The following TNFRSF1A variants were observed in gnomAD, a reference collection of about 807,000 sequenced individuals.
TNFRSF1A encodes TNF receptor superfamily member 1A, also known as tumor necrosis factor receptor superfamily member 1A.
TNFRSF1A carries 9 observed loss-of-function variants against 41.6 expected under a neutral mutation model. That is an observed-to-expected ratio of 0.22 (90% CI 0.13 to 0.38). The LOEUF is 0.38. Among genes scored for constraint, TNFRSF1A ranks in the 10% least tolerant of loss-of-function variants. The pLI, the probability that TNFRSF1A is intolerant of heterozygous loss-of-function variation, is 1.00. For missense variants in TNFRSF1A, 463 were observed against 591.5 expected (o/e 0.78, Z 2.25); for synonymous variants, 254 against 248.6 (o/e 1.02, Z -0.21).
intron 1 of TNFRSF1A, among the ~76,000 whole-genome samples, chr12:6,340,822 C>A (rs1025128031): frequency 6.6e-6 from 1 of 152,104 alleles, no homozygotes; most frequent in East Asian, 1.9e-4. Flanking sequence ...CAGGATGATT[C>A]CCGGACCAAG....
At position 6,337,523 on chromosome 12, in the gene TNFRSF1A, A is replaced by G. The variant is rs1053753930; in HGVS notation, c.40-3279T>C. Among the ~76,000 whole-genome samples, 3 of 152,128 alleles carry G rather than the reference A, an allele frequency of 2.0e-5. No homozygotes were observed. The highest frequency in any genetic ancestry group is 7.2e-5 in the African/African-American group (3 of 41,420). ...CCTCATTCATGTGTCTGTTCATTTA[A>G]TGTCAAGGTGTTGGGGGAGGTCGTG... On this transcript the variant is annotated intron_variant, in intron 1 of 9. Coordinates refer to ENST00000162749, the MANE Select transcript of TNFRSF1A (RefSeq NM_001065.4). The surrounding 1 kb of genome is among the most constrained non-coding windows in gnomAD (Gnocchi z 4.6).
chr12:6,339,634 C>G (rs969206053), intron 1 of TNFRSF1A, among the ~76,000 whole-genome samples: 1 of 152,222 alleles, frequency 6.6e-6, no homozygotes, highest in Non-Finnish European at 1.5e-5. Flanking sequence ...CTCCTCCCAA[C>G]TGGTGCTCCA....
rs1399086823 is a variant in TNFRSF1A at position 6,333,283 on chromosome 12, G to A, written c.472+84C>T. 4 of 1,563,724 alleles carry A rather than the reference G, an allele frequency of 2.6e-6. No individual in the cohort carries two copies. The highest frequency in any genetic ancestry group is 2.7e-5 in the African/African-American group (2 of 73,764). On this transcript the variant is annotated intron_variant, in intron 4 of 9. Transcript: ENST00000162749. This position sits in a 1 kb window ranked among gnomAD's most constrained non-coding sequence, Gnocchi z 6.3. ...TCAGACCCACAGAATACAGGAGGGG[G>A]AAGGAAAGGAAGTGCCACCGCATGG...
chr12:6,341,440 T>C lies in TNFRSF1A; in HGVS notation c.39+336A>G, dbSNP rs935828119. On this transcript the variant is annotated intron_variant, in intron 1 of 9. Transcript: ENST00000162749. The surrounding 1 kb of genome is among the most constrained non-coding windows in gnomAD (Gnocchi z 4.6). The stretch of plus-strand genomic sequence containing the variant: ...AATCTTCCTACTCCCACTCCCTTCT[T>C]TTCCCCGCCAAATCTGCCCCACCCT... 6.6e-6 allele frequency among the ~76,000 whole-genome samples: 1 copy of C among 152,140 alleles called. No homozygotes were observed. The highest frequency in any genetic ancestry group is 2.4e-5 in the African/African-American group (1 of 41,426).
chr12:6,332,082 T>C (rs1948057701), intron 5 of TNFRSF1A: 3 of 258,116 alleles, frequency 1.2e-5, no homozygotes, highest in South Asian at 9.6e-5. Context: ...TTTGTTTGTT[T>C]CTTTGTTTTT....
intron 1 of TNFRSF1A, among the ~76,000 whole-genome samples, chr12:6,338,851 A>G (rs1367503739): frequency 6.6e-6 from 1 of 151,988 alleles, no homozygotes; most frequent in African/African-American, 2.4e-5. Flanking sequence ...GCTGGTCTCG[A>G]ACTCCTGGAC....
At chr12:6,329,647 C>T in intron 9 of TNFRSF1A, 25 bp from the exon 10 acceptor site, 1 of 1,583,306 alleles carries the variant, frequency 6.3e-7, no homozygotes, top group Non-Finnish European at 8.6e-7. Context: ...GCCGGTGAGC[C>T]TCGGGCGGCA....
rs1388346064 is a variant in TNFRSF1A at position 6,333,037 on chromosome 12, T to G, written c.551+32A>C. On this transcript the variant is annotated intron_variant, in intron 5 of 9. Coordinates refer to ENST00000162749, the MANE Select transcript of TNFRSF1A (RefSeq NM_001065.4). This position sits in a 1 kb window ranked among gnomAD's most constrained non-coding sequence, Gnocchi z 6.3. ...TCACCCGTCCCAACCCATGCCACCA[T>G]CCAGTGCCCAGCAGCTCTCAGAGAT... is the stretch of plus-strand genomic sequence containing the variant. 6.2e-7 allele frequency: 1 copy of G among 1,600,450 alleles called. No homozygotes were observed. The highest frequency in any genetic ancestry group is 1.7e-5 in the Admixed American group (1 of 60,008).
rs1358964371 is a variant in TNFRSF1A at position 6,329,399 on chromosome 12, G to A, written c.1281C>T (p.Asp427=). Residue 427 remains aspartate, a synonymous_variant, in exon 10 of 10, where the codon GAC becomes GAT. Transcript: ENST00000162749. ...CCTCCAGGCAGCCCAGCAGGTCCAT[G>A]TCGCGGAGCACGCGTCCCAGCAGCT... The part of the protein sequence containing the change: ...TLELLGRVLR[D]MDLLGCLEDI... The A allele has an allele frequency of 1.3e-6, 2 of 1,561,542 alleles. No individual in the cohort carries two copies. The highest frequency in any genetic ancestry group is 4.7e-5 in the East Asian group (2 of 42,972).
Position 6,329,352 on chromosome 12 carries a change from C to T in TNFRSF1A, c.1328G>A (p.Gly443Asp). 1 of 1,484,016 alleles carries T rather than the reference C, an allele frequency of 6.7e-7. No homozygotes were observed. Among genetic ancestry groups the T allele is most frequent in the Non-Finnish European group, 8.9e-7 (1 of 1,126,570 alleles). 91.9% of individuals were successfully genotyped at this position (1,484,016 alleles called of 1,614,324 possible). ...GGGCGCGGGCGGGAGGGCGGCGGGGCCGCAAAGCGCCTCCTCGATGTCCTC... is the reference window on the plus strand; with the variant it reads ...GGGCGCGGGCGGGAGGGCGGCGGGGTCGCAAAGCGCCTCCTCGATGTCCTC... ...CLEDIEEALC[G>D]PAALPPAPSL... The change falls in exon 10 of 10, where the codon GGC (glycine) becomes GAC (aspartate). Residue 443 changes from glycine to aspartate, a missense_variant. Around this residue, in one of 4 missense-constraint regions of TNFRSF1A, gnomAD observed 277 missense variants for 288.8 expected, o/e 0.96. Transcript: ENST00000162749.
intron 1 of TNFRSF1A, among the ~76,000 whole-genome samples, chr12:6,339,110 G>A (rs1464020640): frequency 6.6e-6 from 1 of 152,118 alleles, no homozygotes; most frequent in African/African-American, 2.4e-5. Context: ...TCTCAACATG[G>A]TTTTTCCACT....
intron 1 of TNFRSF1A, among the ~76,000 whole-genome samples, chr12:6,340,078 G>T (rs1372185188): frequency 6.6e-6 from 1 of 152,086 alleles, no homozygotes; most frequent in Non-Finnish European, 1.5e-5. Flanking sequence ...AACACAGGTA[G>T]CCACCCAGTA....
At chr12:6,336,731 C>T (rs541934592) in intron 1 of TNFRSF1A, among the ~76,000 whole-genome samples, 2 of 152,088 alleles carry the variant, frequency 1.3e-5, no homozygotes, top group Admixed American at 1.3e-4. Flanking sequence ...GCTGAGGCCC[C>T]GCCCCAGCTC....
Position 6,333,230 on chromosome 12 carries a change from G to T in TNFRSF1A, c.473-83C>A. 3 of 1,560,486 alleles carry T rather than the reference G, an allele frequency of 1.9e-6. No homozygotes were observed. Among genetic ancestry groups the T allele is most frequent in the Middle Eastern group, 1.7e-4 (1 of 5,994 alleles). The stretch of plus-strand genomic sequence containing the variant: ...GACAGAGGAAGTGACGAGGGACAGG[G>T]TGGGGGCGGCCAGAGAGGAGTTGGT... On this transcript the variant is annotated intron_variant, in intron 4 of 9. Transcript: ENST00000162749. The surrounding 1 kb of genome is among the most constrained non-coding windows in gnomAD (Gnocchi z 6.3).
Position 6,329,156 on chromosome 12 carries a change from G to A in TNFRSF1A, c.*156C>T. The A allele has an allele frequency of 1.5e-6, 1 of 683,228 alleles. No individual in the cohort carries two copies. Among genetic ancestry groups the A allele is most frequent in the Non-Finnish European group, 2.2e-6 (1 of 458,532 alleles). The allele number at this position is 683,228 out of a possible 1,614,324, so 42.3% of individuals were successfully genotyped here. A position where few individuals can be genotyped will look rare whatever the true frequency, so the allele number is the denominator to read the frequency against. ...AGCGCTGACTGTCGGCGGCGCGCAGGCAGCTGAGAAAAGCTATGTACATCG... is the reference window on the plus strand; with the variant it reads ...AGCGCTGACTGTCGGCGGCGCGCAGACAGCTGAGAAAAGCTATGTACATCG... On this transcript the variant is annotated 3_prime_UTR_variant, in exon 10 of 10. Coordinates refer to ENST00000162749, the MANE Select transcript of TNFRSF1A (RefSeq NM_001065.4).
intron 1 of TNFRSF1A, among the ~76,000 whole-genome samples, chr12:6,335,717 C>T (rs1948111829): frequency 6.6e-6 from 1 of 152,126 alleles, no homozygotes; most frequent in South Asian, 2.1e-4. Flanking sequence ...AACCCTAGGG[C>T]AGGGAAGGAG....
At chr12:6,339,682 C>T (rs898545760) in intron 1 of TNFRSF1A, among the ~76,000 whole-genome samples, 4 of 152,162 alleles carry the variant, frequency 2.6e-5, no homozygotes, top group African/African-American at 9.7e-5. Context: ...ATATTTTCCT[C>T]GGGATTGCTC....
chr12:6,331,258 C>T (rs1003531230), intron 5 of TNFRSF1A: 5 of 417,516 alleles, frequency 1.2e-5, no homozygotes, highest in East Asian at 1.0e-4. Flanking sequence ...CCACAGGGAT[C>T]GCCCACCTCT....
At chr12:6,339,111 T>C (rs531845251) in intron 1 of TNFRSF1A, among the ~76,000 whole-genome samples, 1 of 152,260 alleles carries the variant, frequency 6.6e-6, no homozygotes, top group African/African-American at 2.4e-5. Context: ...CTCAACATGG[T>C]TTTTCCACTC....
Sources: allele counts gnomAD v4.1 joint callset (sites outside exome capture counted in the v4.1 genomes callset), GRCh38; gene constraint gnomAD v4.1.1; regional missense constraint gnomAD v4.1.1; non-coding constraint Gnocchi (gnomAD v3.1); transcripts MANE v1.5; gene names NCBI Gene and HGNC (gene_info 2026-07-23, HGNC 2026-07-21).